Variants in PMVK observed in about 807,000 individuals in gnomAD.
PMVK encodes phosphomevalonate kinase.
A neutral mutation model predicts 19.0 loss-of-function variants in PMVK; 10 were observed. The ratio of observed to expected loss-of-function variants is 0.53; its 90% CI spans 0.32 to 0.89. PMVK has a LOEUF of 0.89. Among genes scored for constraint, PMVK ranks in the 40% least tolerant of loss-of-function variants. The pLI is 0.03. For missense variants in PMVK, 222 were observed against 251.1 expected (o/e 0.88, Z 0.78); for synonymous variants, 108 against 101.6 (o/e 1.06, Z -0.38).
chr1:154,936,426 C>T, intron 1 of PMVK, 165 bp downstream of exon 1: 1 of 985,426 alleles, frequency 1.0e-6, no homozygotes, highest in South Asian at 4.7e-5. Context: ...GTGTAGACTA[C>T]TGTTTTATGT....
upstream of PMVK, among the ~76,000 whole-genome samples, chr1:154,939,428 G>A (rs1267420735): frequency 1.3e-5 from 2 of 151,996 alleles, no homozygotes; most frequent in Non-Finnish European, 2.9e-5. Flanking sequence ...GCTCATGCCT[G>A]TAATCCCAGC....
chr1:154,936,450 C>A, intron 1 of PMVK, 141 bp downstream of exon 1: 1 of 1,463,198 alleles, frequency 6.8e-7, no homozygotes, highest in Non-Finnish European at 9.1e-7. Context: ...GGTGGCATTC[C>A]ACCTTCCCCA....
At chr1:154,933,723 A>G (rs890171842) in intron 1 of PMVK, among the ~76,000 whole-genome samples, 2 of 151,504 alleles carry the variant, frequency 1.3e-5, no homozygotes, top group African/African-American at 4.9e-5. Flanking sequence ...CAAACTCCTG[A>G]TCTCGTGATC....
intron 4 of PMVK, among the ~76,000 whole-genome samples, chr1:154,925,606 A>C (rs757211616): frequency 6.6e-6 from 1 of 152,218 alleles, no homozygotes; most frequent in Non-Finnish European, 1.5e-5. Context: ...TTCTATCCCT[A>C]AATCTGTCTG....
upstream of PMVK, among the ~76,000 whole-genome samples, chr1:154,940,432 G>A (rs1363065037): frequency 6.6e-6 from 1 of 152,166 alleles, no homozygotes; most frequent in Non-Finnish European, 1.5e-5. Context: ...GGAATGGTGA[G>A]GATTAGTGGC....
chr1:154,935,797 C>T (rs963450743), intron 1 of PMVK, among the ~76,000 whole-genome samples: 1 of 152,164 alleles, frequency 6.6e-6, no homozygotes, highest in African/African-American at 2.4e-5. Flanking sequence ...TCAAGCGATC[C>T]TCCCACCTCA....
chr1:154,934,712 T>C (rs1285075042), intron 1 of PMVK, among the ~76,000 whole-genome samples: 5 of 152,034 alleles, frequency 3.3e-5, no homozygotes, highest in Admixed American at 2.6e-4. Flanking sequence ...ACACACATTA[T>C]CTCATTTAAT....
intron 3 of PMVK, among the ~76,000 whole-genome samples, chr1:154,928,588 A>G (rs1654240414): frequency 6.6e-6 from 1 of 152,070 alleles, no homozygotes; most frequent in African/African-American, 2.4e-5. Context: ...CCTGGCCAAC[A>G]TGGTGAAAAC....
chr1:154,925,290 A>G (rs779142574), intron 4 of PMVK, 25 bp from the exon 5 acceptor site: 1 of 1,613,354 alleles, frequency 6.2e-7, no homozygotes, highest in South Asian at 1.1e-5. Context: ...TGGTGAGGTC[A>G]GGCCTCAGCC....
At chr1:154,941,971 C>T in the PMVK span, among the ~76,000 whole-genome samples, 2 of 151,768 alleles carry the variant, frequency 1.3e-5, no homozygotes, top group African/African-American at 4.8e-5. Flanking sequence ...GAGATAAGGA[C>T]GGGAGGGGGG....
chr1:154,933,082 C>T (rs1340998724), intron 1 of PMVK, among the ~76,000 whole-genome samples: 5 of 152,122 alleles, frequency 3.3e-5, no homozygotes, highest in Non-Finnish European at 7.4e-5. Context: ...GTATGCCAGC[C>T]TGGGAGACAG....
chr1:154,926,955 C>A (rs536821012), intron 3 of PMVK, among the ~76,000 whole-genome samples: 3 of 152,316 alleles, frequency 2.0e-5, no homozygotes, highest in South Asian at 4.1e-4. Flanking sequence ...TTCCTCCCCA[C>A]CTTCCCTGTC....
At chr1:154,927,153 G>A (rs771276122) in intron 3 of PMVK, among the ~76,000 whole-genome samples, 3 of 151,960 alleles carry the variant, frequency 2.0e-5, no homozygotes, top group Non-Finnish European at 4.4e-5. Flanking sequence ...CATTTTGTCT[G>A]TTACAGAAAG....
intron 1 of PMVK, among the ~76,000 whole-genome samples, chr1:154,933,006 A>G (rs1222712616): frequency 6.6e-6 from 1 of 152,184 alleles, no homozygotes; most frequent in East Asian, 1.9e-4. Flanking sequence ...GCTACTCCAG[A>G]GGCTGAGGTG....
At chr1:154,938,910 G>A (rs1654586418), upstream of PMVK, among the ~76,000 whole-genome samples, 1 of 152,122 alleles carries the variant, frequency 6.6e-6, no homozygotes, top group Non-Finnish European at 1.5e-5. Context: ...ATGCAGACGG[G>A]GTCTTGCTAT....
Position 154,925,099 on chromosome 1 carries a change from A to T in PMVK, c.*30T>A. The T allele has an allele frequency of 1.5e-6, 2 of 1,291,690 alleles. No individual in the cohort carries two copies. The highest frequency in any genetic ancestry group is 2.0e-6 in the Non-Finnish European group (2 of 988,164). 80.0% of individuals were successfully genotyped at this position (1,291,690 alleles called of 1,614,324 possible). A position where few individuals can be genotyped will look rare whatever the true frequency, so the allele number is the denominator to read the frequency against. ...GAGTCAGCCCCACCCCCACCTCAGC[A>T]GGCCCCAGCTCACTCCTAGAACCTA... On this transcript the variant is annotated 3_prime_UTR_variant, in exon 5 of 5. Coordinates refer to ENST00000368467, the MANE Select transcript of PMVK (RefSeq NM_006556.4).
intron 4 of PMVK, among the ~76,000 whole-genome samples, chr1:154,925,979 C>T (rs1165039668): frequency 1.3e-5 from 2 of 152,186 alleles, no homozygotes; most frequent in Non-Finnish European, 2.9e-5. Context: ...TGGGCTTGCA[C>T]CACTGAAGCT....
At chr1:154,927,699 G>A (rs935835939) in intron 3 of PMVK, among the ~76,000 whole-genome samples, 1 of 144,910 alleles carries the variant, frequency 6.9e-6, no homozygotes, top group Non-Finnish European at 1.5e-5. Context: ...CTTGTCCTCA[G>A]ACACACCAGG....
At chr1:154,933,891 TAACC>T (rs1654422582) in intron 1 of PMVK, among the ~76,000 whole-genome samples, 1 of 152,166 alleles carries the variant, frequency 6.6e-6, no homozygotes, top group Admixed American at 6.5e-5. Flanking sequence ...CCTCCTGGCT[TAACC>T]AACCATTTAT....
Sources: gnomAD v4.1 joint callset for allele counts (sites outside exome capture counted in the v4.1 genomes callset) on GRCh38, gnomAD v4.1.1 for gene constraint, MANE v1.5 for transcripts, NCBI Gene and HGNC (gene_info 2026-07-23, HGNC 2026-07-21) for gene names.